The following SAMMSON variants were observed in gnomAD, a reference collection of about 807,000 sequenced individuals.
SAMMSON encodes the protein long intergenic non-protein coding RNA 1212.
At chr3:70,262,030 G>T (rs2106662333) in intron 6 of SAMMSON, among the ~76,000 whole-genome samples, 1 of 152,256 alleles carries the variant, frequency 6.6e-6, no homozygotes, top group Non-Finnish European at 1.5e-5. Flanking sequence ...AGAGGAGACG[G>T]ATTTGAGCCA....
At chr3:70,353,955 T>C (rs1384619926) in intron 7 of SAMMSON, among the ~76,000 whole-genome samples, 2 of 152,160 alleles carry the variant, frequency 1.3e-5, no homozygotes, top group Non-Finnish European at 2.9e-5. Flanking sequence ...ATTTGAAAGG[T>C]TATCTACTAT....
intron 4 of SAMMSON, among the ~76,000 whole-genome samples, chr3:70,112,165 G>A (rs1427976305): frequency 6.6e-6 from 1 of 152,056 alleles, no homozygotes; most frequent in Admixed American, 6.5e-5. Flanking sequence ...ACACCAAAGT[G>A]AAAACGTTAA....
chr3:70,426,576 C>T (rs1163036306), intron 2 of SAMMSON, among the ~76,000 whole-genome samples: 1 of 152,174 alleles, frequency 6.6e-6, no homozygotes, highest in Non-Finnish European at 1.5e-5. Context: ...TCCTCTTCTT[C>T]CTTCTCTTCT....
chr3:70,059,364 G>A (rs904290610), intron 3 of SAMMSON, among the ~76,000 whole-genome samples: 2 of 152,002 alleles, frequency 1.3e-5, no homozygotes, highest in East Asian at 3.9e-4. Flanking sequence ...ATTGATATGA[G>A]AGATTGGCTT....
intron 6 of SAMMSON, among the ~76,000 whole-genome samples, chr3:70,280,948 CCT>C (rs1415584330): frequency 1.3e-5 from 2 of 152,092 alleles, no homozygotes. Flanking sequence ...CATATCATAC[CCT>C]TTTTGTGTGA....
intron 6 of SAMMSON, among the ~76,000 whole-genome samples, chr3:70,264,998 G>C (rs958711311): frequency 6.6e-6 from 1 of 152,188 alleles, no homozygotes; most frequent in Non-Finnish European, 1.5e-5. Flanking sequence ...CAGCAAGAGA[G>C]CATGTGCAGG....
At chr3:70,337,174 ATAT>A (rs1702671365) in intron 7 of SAMMSON, among the ~76,000 whole-genome samples, 1 of 53,754 alleles carries the variant, frequency 1.9e-5, no homozygotes, top group South Asian at 4.8e-4. Context: ...ACTTAATATA[ATAT>A]TAATAATATG....
At chr3:70,064,216 C>T (rs1043273640) in intron 3 of SAMMSON, among the ~76,000 whole-genome samples, 1 of 152,116 alleles carries the variant, frequency 6.6e-6, no homozygotes. Flanking sequence ...AGTGCCTTGT[C>T]ATTTAATCAG....
At chr3:70,105,386 A>G (rs2067363515) in intron 4 of SAMMSON, among the ~76,000 whole-genome samples, 2 of 152,178 alleles carry the variant, frequency 1.3e-5, no homozygotes, top group African/African-American at 4.8e-5. Flanking sequence ...GAGTTTATAT[A>G]TCAGTACTTT....
At chr3:70,357,902 A>G (rs1488613585) in intron 8 of SAMMSON, among the ~76,000 whole-genome samples, 1 of 152,118 alleles carries the variant, frequency 6.6e-6, no homozygotes, top group Non-Finnish European at 1.5e-5. Context: ...AAAACTGAGT[A>G]TAAAGGATGA....
intron 3 of SAMMSON, among the ~76,000 whole-genome samples, chr3:70,027,858 G>A (rs1397635145): frequency 6.6e-6 from 1 of 152,160 alleles, no homozygotes; most frequent in South Asian, 2.1e-4. Context: ...CAAATGCAAG[G>A]TAATGCGGTG....
At chr3:70,239,422 T>C (rs1386730610) in intron 4 of SAMMSON, among the ~76,000 whole-genome samples, 1 of 152,138 alleles carries the variant, frequency 6.6e-6, no homozygotes, top group African/African-American at 2.4e-5. Flanking sequence ...AGGTTGGAGA[T>C]TGACTCTGTT....
At chr3:70,177,677 A>C (rs545549766) in intron 4 of SAMMSON, among the ~76,000 whole-genome samples, 1 of 152,298 alleles carries the variant, frequency 6.6e-6, no homozygotes, top group Admixed American at 6.5e-5. Context: ...ATTGCTTTAC[A>C]TGCACAATCC....
intron 4 of SAMMSON, chr3:70,071,913 G>A (rs1273310132): frequency 6.6e-6 from 1 of 151,918 alleles, no homozygotes; most frequent in Non-Finnish European, 1.5e-5. Context: ...AGACAATGTT[G>A]TGGCTTTTTT....
At chr3:70,278,123 G>A (rs1702045493) in intron 6 of SAMMSON, among the ~76,000 whole-genome samples, 1 of 152,014 alleles carries the variant, frequency 6.6e-6, no homozygotes, top group African/African-American at 2.4e-5. Context: ...CAGCACCTTT[G>A]CCCCCAACTT....
chr3:70,262,028 C>T (rs139565155), intron 6 of SAMMSON, among the ~76,000 whole-genome samples: 4 of 152,262 alleles, frequency 2.6e-5, no homozygotes, highest in East Asian at 1.9e-4. Flanking sequence ...ATAGAGGAGA[C>T]GGATTTGAGC....
At position 70,385,005 on chromosome 3, in the gene SAMMSON, A is replaced by G. The variant is rs150499837; in HGVS notation, n.914-4569A>G. 1.9e-3 allele frequency among the ~76,000 whole-genome samples: 285 copies of G among 152,200 alleles called. 2 individuals are homozygous for G. The highest frequency in any genetic ancestry group is 6.5e-3 in the African/African-American group (270 of 41,552). On this transcript the variant is annotated intron_variant and non_coding_transcript_variant, in intron 9 of 9. Transcript: ENST00000642114. ...TAGCCACATGTGCCAGTGCTAACATATGGAATAGAATAATCTAGGCAACAG... is the reference window on the plus strand; with the variant it reads ...TAGCCACATGTGCCAGTGCTAACATGTGGAATAGAATAATCTAGGCAACAG...
intron 4 of SAMMSON, among the ~76,000 whole-genome samples, chr3:70,131,856 G>C (rs1051017271): frequency 6.6e-6 from 1 of 152,086 alleles, no homozygotes; most frequent in Non-Finnish European, 1.5e-5. Context: ...GGGATTACAG[G>C]CGTGAGACAC....
intron 9 of SAMMSON, among the ~76,000 whole-genome samples, chr3:70,385,120 C>T (rs555285737): frequency 9.5e-4 from 144 of 152,208 alleles, no homozygotes; most frequent in African/African-American, 3.3e-3. Context: ...CTTTGATAGA[C>T]AAGGTGGTGT....
Sources: gnomAD v4.1 joint callset for allele counts (sites outside exome capture counted in the v4.1 genomes callset) on GRCh38, gnomAD v4.1.1 for gene constraint, MANE v1.5 for transcripts, NCBI Gene and HGNC (gene_info 2026-07-23, HGNC 2026-07-21) for gene names.